Variants in FRMPD2 observed in about 807,000 individuals in gnomAD.
The protein encoded by FRMPD2 is FERM and PDZ domain containing 2.
A neutral mutation model predicts 140.1 loss-of-function variants in FRMPD2; 96 were observed. The observed-to-expected ratio is 0.69, with a 90% CI of 0.58 to 0.81. The LOEUF is 0.81. FRMPD2 is among the 40% of genes least tolerant of loss of function. The pLI, the probability that FRMPD2 is intolerant of heterozygous loss-of-function variation, is 0.00. For synonymous variants in FRMPD2, 449 were observed against 547.6 expected (o/e 0.82, Z 2.52); for missense variants, 1,240 against 1,447.4 (o/e 0.86, Z 2.32).
intron 15 of FRMPD2, among the ~76,000 whole-genome samples, chr10:48,194,686 C>T (rs1838913332): frequency 6.6e-6 from 1 of 152,084 alleles, no homozygotes; most frequent in East Asian, 1.9e-4. Flanking sequence ...GGAGGAAGCT[C>T]AGTTAGCAGG....
At chr10:48,249,335 T>C (rs1013966697) in intron 2 of FRMPD2, among the ~76,000 whole-genome samples, 157 bp from the exon 3 acceptor site, 11 of 152,164 alleles carry the variant, frequency 7.2e-5, no homozygotes, top group African/African-American at 2.4e-5. Context: ...TCAACCCTGA[T>C]GCATGGGAAC....
In FRMPD2 at chr10:48,237,973, C is replaced by T. The variant is rs1412808693; in HGVS notation, c.921+18G>A. 3 of 1,614,130 alleles carry T rather than the reference C, an allele frequency of 1.9e-6. No individual in the cohort carries two copies. Among genetic ancestry groups the T allele is most frequent in the Non-Finnish European group, 2.5e-6 (3 of 1,180,002 alleles). On this transcript the variant is annotated intron_variant, in intron 8 of 28. Coordinates refer to ENST00000374201, the MANE Select transcript of FRMPD2 (RefSeq NM_001018071.4). Reference sequence around the variant, plus strand: ...TCAAGCCTCCTTGAGGAGTGTCCTTCAGCCTTATTTTGCTTACCTTGCTCC... The same window carrying T: ...TCAAGCCTCCTTGAGGAGTGTCCTTTAGCCTTATTTTGCTTACCTTGCTCC...
chr10:48,252,095 A>AT (rs1564440712), intron 1 of FRMPD2, among the ~76,000 whole-genome samples: 1 of 151,978 alleles, frequency 6.6e-6, no homozygotes, highest in African/African-American at 2.4e-5. Context: ...GTTAGCTAAC[A>AT]TTTTTGCCTG....
intron 10 of FRMPD2, among the ~76,000 whole-genome samples, chr10:48,224,820 G>C (rs1839686550): frequency 6.6e-6 from 1 of 152,208 alleles, no homozygotes; most frequent in African/African-American, 2.4e-5. Flanking sequence ...CACAATGCAA[G>C]CACACTGGAT....
At chr10:48,188,347 G>C (rs758064186) in intron 16 of FRMPD2, among the ~76,000 whole-genome samples, 1 of 152,204 alleles carries the variant, frequency 6.6e-6, no homozygotes, top group Non-Finnish European at 1.5e-5. Flanking sequence ...AGGGGCGGTG[G>C]GGGGAGGAGA....
intron 17 of FRMPD2, 53 bp from the exon 18 acceptor site, chr10:48,185,698 A>G: frequency 4.4e-6 from 6 of 1,356,888 alleles, no homozygotes; most frequent in Non-Finnish European, 6.3e-6. Flanking sequence ...ATTATTTGGG[A>G]GCTAATACAA....
At chr10:48,195,732 CA>C (rs1222250969) in intron 15 of FRMPD2, among the ~76,000 whole-genome samples, 1 of 152,164 alleles carries the variant, frequency 6.6e-6, no homozygotes, top group Non-Finnish European at 1.5e-5. Context: ...AACTAAATAT[CA>C]AAAATGGGAA....
intron 12 of FRMPD2, among the ~76,000 whole-genome samples, chr10:48,219,789 C>A (rs1839537298): frequency 2.0e-5 from 3 of 152,322 alleles, no homozygotes; most frequent in East Asian, 1.9e-4. Context: ...AGAGGACTAT[C>A]ATTGGCAGTT....
chr10:48,159,202 C>T (rs782705669), intron 28 of FRMPD2: 9 of 456,172 alleles, frequency 2.0e-5, no homozygotes, highest in African/African-American at 6.0e-5. Flanking sequence ...CTCCTGACAA[C>T]TGCATTTAGT....
intron 12 of FRMPD2, among the ~76,000 whole-genome samples, chr10:48,213,046 G>A (rs928665712): frequency 6.6e-6 from 1 of 152,172 alleles, no homozygotes; most frequent in Non-Finnish European, 1.5e-5. Context: ...CATGAGGAAG[G>A]CAAGTGGGAG....
chr10:48,230,733 G>A (rs1839830908), intron 10 of FRMPD2, among the ~76,000 whole-genome samples: 3 of 152,198 alleles, frequency 2.0e-5, no homozygotes, highest in African/African-American at 4.8e-5. Context: ...TAATCTACCT[G>A]TAGACTGAAT....
intron 17 of FRMPD2, among the ~76,000 whole-genome samples, chr10:48,186,761 G>C (rs1377258942): frequency 6.6e-6 from 1 of 152,242 alleles, no homozygotes; most frequent in Non-Finnish European, 1.5e-5. Flanking sequence ...ATTTTTCCAA[G>C]TGTCGGATCT....
At chr10:48,208,834 A>C (rs1839257574) in intron 13 of FRMPD2, among the ~76,000 whole-genome samples, 1 of 152,212 alleles carries the variant, frequency 6.6e-6, no homozygotes, top group South Asian at 2.1e-4. Context: ...AACAGGTAGC[A>C]AAGTTGAGAT....
At chr10:48,161,756 C>T (rs1414690501) in intron 28 of FRMPD2, among the ~76,000 whole-genome samples, 6 of 151,582 alleles carry the variant, frequency 4.0e-5, no homozygotes, top group Admixed American at 2.6e-4. Context: ...GAGCAGATTC[C>T]AGCATGGAGT....
rs531057626 is a variant in FRMPD2, at chr10:48,218,947, C to G, written c.1455+3366G>C. On this transcript the variant is annotated intron_variant, in intron 12 of 28. Coordinates refer to ENST00000374201, the MANE Select transcript of FRMPD2 (RefSeq NM_001018071.4). ...TTCAAGCCAGCCTGAGCTTGATTTT[C>G]TATCACTTCTAATCAACAGAATGCT... 2.0e-5 allele frequency among the ~76,000 whole-genome samples: 3 copies of G among 152,330 alleles called. No homozygotes were observed. The East Asian group carries it at 5.8e-4, about 29-fold the overall frequency.
At chr10:48,252,748 T>A (rs1327692024) in intron 1 of FRMPD2, among the ~76,000 whole-genome samples, 1 of 151,978 alleles carries the variant, frequency 6.6e-6, no homozygotes, top group African/African-American at 2.4e-5. Flanking sequence ...TCACAAGGAG[T>A]CTGTGAAGAA....
At chr10:48,182,655 C>A (rs369134064) in intron 20 of FRMPD2, among the ~76,000 whole-genome samples, 2 of 152,098 alleles carry the variant, frequency 1.3e-5, no homozygotes, top group African/African-American at 4.8e-5. Flanking sequence ...GGCTGGGGTG[C>A]CACAGTGAAA....
chr10:48,223,502 G>A (rs1839657360), intron 10 of FRMPD2, among the ~76,000 whole-genome samples: 2 of 152,140 alleles, frequency 1.3e-5, no homozygotes, highest in Non-Finnish European at 2.9e-5. Flanking sequence ...AACACCAAGA[G>A]GAGAAAATAC....
At chr10:48,209,620 T>C (rs1285389757) in intron 13 of FRMPD2, among the ~76,000 whole-genome samples, 1 of 152,202 alleles carries the variant, frequency 6.6e-6, no homozygotes, top group African/African-American at 2.4e-5. Context: ...GCACTGAGGA[T>C]CCACGGCCTT....
Sources: gnomAD v4.1 joint callset for allele counts (sites outside exome capture counted in the v4.1 genomes callset) on GRCh38, gnomAD v4.1.1 for gene constraint, MANE v1.5 for transcripts, NCBI Gene and HGNC (gene_info 2026-07-23, HGNC 2026-07-21) for gene names.